Variants in SBF2 observed in about 807,000 individuals in gnomAD.
The protein encoded by SBF2 is myotubularin-related protein 13.
A neutral mutation model predicts 225.2 loss-of-function variants in SBF2; 112 were observed. The ratio of observed to expected loss-of-function variants is 0.50; its 90% CI spans 0.43 to 0.58. The LOEUF is 0.58. SBF2 is among the 20% of genes least tolerant of loss of function. The pLI is 0.00. For synonymous variants in SBF2, 763 were observed against 773.3 expected (o/e 0.99, Z 0.22); for missense variants, 1,996 against 2,206.2 (o/e 0.90, Z 1.91).
At chr11:10,059,395 A>G (rs1005768102) in intron 2 of SBF2, among the ~76,000 whole-genome samples, 15 of 152,182 alleles carry the variant, frequency 9.9e-5, no homozygotes, top group African/African-American at 3.6e-4. Context: ...ACCAACAAAG[A>G]TAAAAAAAAG....
At position 10,033,851 on chromosome 11, in the gene SBF2, C is replaced by T. The variant is rs189132456; in HGVS notation, c.280-2681G>A. Among the ~76,000 whole-genome samples, 741 of 152,180 alleles carry T rather than the reference C, an allele frequency of 4.9e-3. 7 individuals are homozygous for T. Among genetic ancestry groups the T allele is most frequent in the African/African-American group, 0.017 (705 of 41,548 alleles). On this transcript the variant is annotated intron_variant, in intron 3 of 39. Coordinates refer to ENST00000256190, the MANE Select transcript of SBF2 (RefSeq NM_030962.4). ...ATTCTATGTAATAATTATAAAATGA[C>T]ACTAGTTTTATTTGGTGTGTGTTTT...
At chr11:10,271,597 GAAAA>G (rs1347679544) in intron 1 of SBF2, among the ~76,000 whole-genome samples, 3 of 137,782 alleles carry the variant, frequency 2.2e-5, no homozygotes, top group African/African-American at 7.5e-5. Context: ...AAATTCATGA[GAAAA>G]GAACAAATTT....
intron 16 of SBF2, among the ~76,000 whole-genome samples, chr11:9,899,637 A>G (rs1861560153): frequency 1.3e-5 from 2 of 152,174 alleles, no homozygotes; most frequent in Non-Finnish European, 2.9e-5. Context: ...GGTCCCAAGT[A>G]CACTAAAAGG....
intron 17 of SBF2, among the ~76,000 whole-genome samples, chr11:9,894,511 T>C (rs915565114): frequency 6.6e-6 from 1 of 150,392 alleles, no homozygotes; most frequent in African/African-American, 2.5e-5. Flanking sequence ...AGCGAGACCC[T>C]GTCACAAAAA....
chr11:9,954,693 CA>C (rs1198602805), intron 16 of SBF2, among the ~76,000 whole-genome samples: 1 of 151,602 alleles, frequency 6.6e-6, no homozygotes, highest in African/African-American at 2.4e-5. Context: ...AAAACAAAAA[CA>C]AAAACAAAAA....
chr11:10,131,923 T>C (rs1340742619), intron 2 of SBF2, among the ~76,000 whole-genome samples: 2 of 152,246 alleles, frequency 1.3e-5, no homozygotes, highest in South Asian at 2.1e-4. Context: ...CTAAGAACTC[T>C]TCACCAAGTT....
chr11:9,807,749 A>C, intron 32 of SBF2: 1 of 541,636 alleles, frequency 1.8e-6, no homozygotes, highest in Non-Finnish European at 3.3e-6. Flanking sequence ...GAAGATGGTC[A>C]TTTAGAGTGC....
chr11:10,300,589 C>T (rs1054305402), intron 1 of SBF2, among the ~76,000 whole-genome samples: 2 of 151,758 alleles, frequency 1.3e-5, no homozygotes, highest in Admixed American at 1.3e-4. Flanking sequence ...TCACAGGATC[C>T]CTATCTGGAG....
chr11:10,242,735 A>G (rs779691198), intron 1 of SBF2, among the ~76,000 whole-genome samples: 1 of 152,176 alleles, frequency 6.6e-6, no homozygotes, highest in Non-Finnish European at 1.5e-5. Flanking sequence ...AAAACTGTTA[A>G]TAAGAGACAA....
chr11:10,292,952 G>C (rs546165996), intron 1 of SBF2, among the ~76,000 whole-genome samples: 63 of 152,326 alleles, frequency 4.1e-4, no homozygotes, highest in African/African-American at 1.4e-3. Flanking sequence ...GTTCTTAGGA[G>C]AGGAATAATG....
chr11:10,212,124 T>A (rs1957963148), intron 1 of SBF2, among the ~76,000 whole-genome samples: 1 of 152,226 alleles, frequency 6.6e-6, no homozygotes, highest in Admixed American at 6.5e-5. Context: ...CTTCCTACCA[T>A]AAAGTCCATT....
intron 33 of SBF2, chr11:9,790,994 G>A (rs1250103286): frequency 4.6e-6 from 1 of 219,126 alleles, no homozygotes; most frequent in African/African-American, 2.3e-5. Flanking sequence ...CCATGCAGGA[G>A]GCAGTCTACA....
chr11:9,963,465 C>T (rs1425067922), intron 15 of SBF2, among the ~76,000 whole-genome samples: 1 of 151,276 alleles, frequency 6.6e-6, no homozygotes, highest in East Asian at 1.9e-4. Flanking sequence ...ACTCTGGCTC[C>T]AAAAATAAAA....
intron 3 of SBF2, among the ~76,000 whole-genome samples, chr11:10,036,341 C>T (rs1426000219): frequency 6.6e-6 from 1 of 151,982 alleles, no homozygotes; most frequent in East Asian, 1.9e-4. Context: ...CAGCAAACCA[C>T]CATGGCACAT....
chr11:9,828,199 T>A (rs1464197161), intron 28 of SBF2: 2 of 1,289,490 alleles, frequency 1.6e-6, no homozygotes, highest in Non-Finnish European at 2.0e-6. Context: ...CAGTGGACAT[T>A]CTTGAAGTCC....
At chr11:10,076,464 T>C (rs1344932719) in intron 2 of SBF2, among the ~76,000 whole-genome samples, 1 of 152,168 alleles carries the variant, frequency 6.6e-6, no homozygotes, top group Non-Finnish European at 1.5e-5. Context: ...GGTGAGAATA[T>C]GTGGGCTCCA....
intron 13 of SBF2, among the ~76,000 whole-genome samples, chr11:9,983,703 C>G (rs1947061665): frequency 6.6e-6 from 1 of 152,188 alleles, no homozygotes; most frequent in Non-Finnish European, 1.5e-5. Flanking sequence ...TCCACCGGAA[C>G]AGGCACTGGT....
chr11:9,856,989 A>T (rs903473140), intron 18 of SBF2, among the ~76,000 whole-genome samples: 1 of 152,008 alleles, frequency 6.6e-6, no homozygotes, highest in South Asian at 2.1e-4. Context: ...GGGTTTCACC[A>T]TGTTAGCCAG....
rs1862740342 is a variant in SBF2 at position 9,912,674 on chromosome 11, G to T, written c.1861-16663C>A. ...CAATTCTTCTTCCAATGTGGCCCAG[G>T]GAAGCCAAAAGATTGGACATTCCTG... On this transcript the variant is annotated intron_variant, in intron 16 of 39. Coordinates refer to ENST00000256190, the MANE Select transcript of SBF2 (RefSeq NM_030962.4). Among the ~76,000 whole-genome samples the T allele has an allele frequency of 1.3e-5, 2 of 152,150 alleles. 1 individual carries two copies. The highest frequency in any genetic ancestry group is 4.8e-5 in the African/African-American group (2 of 41,440).
Sources: allele counts gnomAD v4.1 joint callset (sites outside exome capture counted in the v4.1 genomes callset), GRCh38; gene constraint gnomAD v4.1.1; transcripts MANE v1.5; gene names NCBI Gene and HGNC (gene_info 2026-07-23, HGNC 2026-07-21).